The following MINAR1 variants were observed in gnomAD, a reference collection of about 807,000 sequenced individuals.
The protein encoded by MINAR1 is major intrinsically disordered Notch2-binding receptor 1.
A neutral mutation model predicts 65.1 loss-of-function variants in MINAR1; 40 were observed. That is an observed-to-expected ratio of 0.61 (90% CI 0.48 to 0.80). MINAR1 has a LOEUF of 0.80. Among genes scored for constraint, MINAR1 ranks in the 30% least tolerant of loss-of-function variants. MINAR1 has a pLI of 0.00. For synonymous variants in MINAR1, 482 were observed against 449.1 expected, an observed-to-expected ratio of 1.07 and a Z score of -0.93; for missense variants, 1,128 against 1,148.0, an observed-to-expected ratio of 0.98 and a Z score of 0.25.
Position 79,463,147 on chromosome 15 carries a change from C to T in MINAR1, c.2379C>T (p.Phe793=), listed in dbSNP as rs1447193093. The change falls in exon 3 of 4, where the codon TTC becomes TTT. Residue 793 remains phenylalanine (F), a synonymous_variant. Transcript: ENST00000305428. ...ATGGCTTCCTGGTGGAGCAGGTGTT[C>T]AGCCCTCACCCCTACCCTGCCTCCC... ...PKDGFLVEQV[F]SPHPYPASLK... The T allele has an allele frequency of 3.7e-6, 6 of 1,614,208 alleles. No individual in the cohort carries two copies. The highest frequency in any genetic ancestry group is 4.2e-6 in the Non-Finnish European group (5 of 1,180,042).
chr15:79,468,337 A>C lies in MINAR1; in HGVS notation c.2704A>C (p.Thr902Pro). Residue 902 changes from threonine (T) to proline (P), a missense_variant, in exon 4 of 4, where the codon ACC becomes CCC. By Grantham distance (38) the Thr-to-Pro change is conservative (BLOSUM62 -1). Coordinates refer to ENST00000305428, the MANE Select transcript of MINAR1 (RefSeq NM_015206.3). ...TGCTCTGATCGCTGCTGCGGCATGC[A>C]CCGTCATCCTCGTTATTGTCGTGCC... ...IAALIAAAAC[T>P]VILVIVVPIC... 1 of 1,614,158 alleles carries C rather than the reference A, an allele frequency of 6.2e-7. No homozygotes were observed. Among genetic ancestry groups the C allele is most frequent in the Non-Finnish European group, 8.5e-7 (1 of 1,180,024 alleles).
chr15:79,446,013 TATTA>T (rs1288790479), intron 1 of MINAR1, among the ~76,000 whole-genome samples: 2 of 152,246 alleles, frequency 1.3e-5, no homozygotes, highest in Non-Finnish European at 2.9e-5. Flanking sequence ...TTATTTGTGA[TATTA>T]ATTAGTTATA....
chr15:79,435,532 G>GC (rs1235573215), intron 1 of MINAR1, among the ~76,000 whole-genome samples: 1 of 152,238 alleles, frequency 6.6e-6, no homozygotes. Context: ...TGGATGGCTA[G>GC]CTAAACCCCT....
At chr15:79,423,357 A>G in the MINAR1 span, 1 of 152,238 alleles carries the variant, frequency 6.6e-6, no homozygotes, top group African/African-American at 2.4e-5. Context: ...TCCTTAGTCT[A>G]TCTCTGGAGG....
chr15:79,453,977 A>C (rs1297622182), intron 1 of MINAR1, among the ~76,000 whole-genome samples: 3 of 152,158 alleles, frequency 2.0e-5, no homozygotes, highest in African/African-American at 7.2e-5. Context: ...AAACGATAAA[A>C]TATATGCATG....
rs1178748449 is a variant in MINAR1 at position 79,469,801 on chromosome 15, T to C, written c.*1417T>C. ...TGACAGAAACTAGCTACCTTATATA[T>C]ATTTTTTGATAATAAGGTGGGATAT... On this transcript the variant is annotated 3_prime_UTR_variant, in exon 4 of 4. Coordinates refer to ENST00000305428, the MANE Select transcript of MINAR1 (RefSeq NM_015206.3). 1 of 152,638 alleles carries C rather than the reference T, an allele frequency of 6.6e-6. No homozygotes were observed. Among genetic ancestry groups the C allele is most frequent in the African/African-American group, 2.4e-5 (1 of 41,460 alleles). The allele number at this position is 152,638 out of a possible 1,614,324, so 9.5% of individuals were successfully genotyped here.
intron 2 of MINAR1, among the ~76,000 whole-genome samples, chr15:79,460,508 G>A (rs558198169): frequency 3.3e-5 from 5 of 152,244 alleles, no homozygotes; most frequent in African/African-American, 4.8e-5. Context: ...AGACCCTATG[G>A]ATTTGCCTTC....
intron 1 of MINAR1, among the ~76,000 whole-genome samples, chr15:79,435,192 C>T (rs1894561706): frequency 6.6e-6 from 1 of 151,858 alleles, no homozygotes; most frequent in Non-Finnish European, 1.5e-5. Context: ...AGGAGAATCG[C>T]TTGAACCTGG....
At chr15:79,435,373 C>A (rs1172513465) in intron 1 of MINAR1, among the ~76,000 whole-genome samples, 2 of 152,142 alleles carry the variant, frequency 1.3e-5, no homozygotes, top group African/African-American at 4.8e-5. Context: ...CCCTTTGGAA[C>A]CCCTACAGGC....
chr15:79,465,493 TC>T (rs1895807001), intron 3 of MINAR1, among the ~76,000 whole-genome samples: 2 of 152,172 alleles, frequency 1.3e-5, no homozygotes, highest in South Asian at 4.1e-4. Flanking sequence ...TTACCTCTTT[TC>T]TACTTGGTGC....
At position 79,468,156 on chromosome 15, in the gene MINAR1, T is replaced by C. The variant is rs760231468; in HGVS notation, c.2554-31T>C. ...CTTTGACCTGATTTCAAGTATTCAC[T>C]GTATTTCTAACATCTTCTCTTCGCT... On this transcript the variant is annotated intron_variant, in intron 3 of 3. Transcript: ENST00000305428. 8 of 1,575,766 alleles carry C rather than the reference T, an allele frequency of 5.1e-6. 1 individual carries two copies. The Middle Eastern group carries it at 5.0e-4, about 99-fold the overall frequency.
At chr15:79,431,944 C>T (rs1487726926), upstream of MINAR1, among the ~76,000 whole-genome samples, 8 of 152,332 alleles carry the variant, frequency 5.3e-5, no homozygotes, top group South Asian at 8.3e-4. Context: ...TGGCGCGACG[C>T]CGCGCCCCTC....
At chr15:79,465,065 G>A (rs1462748490) in intron 3 of MINAR1, among the ~76,000 whole-genome samples, 1 of 152,142 alleles carries the variant, frequency 6.6e-6, no homozygotes, top group African/African-American at 2.4e-5. Context: ...GTGTTTATAA[G>A]CATAAAGATA....
In MINAR1 at chr15:79,471,341, T is replaced by A. The variant is rs951474230; in HGVS notation, c.*2957T>A. On this transcript the variant is annotated 3_prime_UTR_variant, in exon 4 of 4. Transcript: ENST00000305428. ...TAAATATCCTTAACCAATGATTAAA[T>A]TCATAATCATTTCATCTTCTTTCAT... 1 of 152,656 alleles carries A rather than the reference T, an allele frequency of 6.6e-6. No individual in the cohort carries two copies. The highest frequency in any genetic ancestry group is 1.5e-5 in the Non-Finnish European group (1 of 68,046). 9.5% of individuals were successfully genotyped at this position (152,656 alleles called of 1,614,324 possible).
chr15:79,444,771 T>TAAA (rs34673288), intron 1 of MINAR1, among the ~76,000 whole-genome samples: 30 of 148,360 alleles, frequency 2.0e-4, no homozygotes, highest in African/African-American at 6.4e-4. Context: ...TACCTTATTG[T>TAAA]AAAAAAAAAA....
the MINAR1 span, chr15:79,425,071 ACT>A: frequency 1.3e-5 from 2 of 150,722 alleles, no homozygotes. Flanking sequence ...ACAGAGTCTC[ACT>A]CTATCGTCCA....
In MINAR1 at chr15:79,463,943, G is replaced by C. The variant is rs140906597; in HGVS notation, c.2553+622G>C. ...ACCACAGGAGCAAAGGAAGCACCCTGTCCCCCTACCTGTGCACTTAGCTTT... is the reference window on the plus strand; with the variant it reads ...ACCACAGGAGCAAAGGAAGCACCCTCTCCCCCTACCTGTGCACTTAGCTTT... On this transcript the variant is annotated intron_variant, in intron 3 of 3. Coordinates refer to ENST00000305428, the MANE Select transcript of MINAR1 (RefSeq NM_015206.3). Among the ~76,000 whole-genome samples, 376 of 152,328 alleles carry C rather than the reference G, an allele frequency of 2.5e-3. 2 individuals carry two copies. Among genetic ancestry groups the C allele is most frequent in the Non-Finnish European group, 4.1e-3 (281 of 68,030 alleles).
intron 2 of MINAR1, 144 bp from the exon 3 acceptor site, chr15:79,462,923 A>T: frequency 1.3e-6 from 1 of 793,008 alleles, no homozygotes; most frequent in East Asian, 2.7e-5. Context: ...CAATATGGTT[A>T]TGCTTTCATA....
At chr15:79,430,399 C>T (rs1420509739), upstream of MINAR1, among the ~76,000 whole-genome samples, 3 of 152,116 alleles carry the variant, frequency 2.0e-5, no homozygotes, top group Admixed American at 6.5e-5. Context: ...ACGCAGCTTC[C>T]TGTCCTAATT....
Sources: gnomAD v4.1 joint callset for allele counts (sites outside exome capture counted in the v4.1 genomes callset) on GRCh38, gnomAD v4.1.1 for gene constraint, MANE v1.5 for transcripts, NCBI Gene and HGNC (gene_info 2026-07-23, HGNC 2026-07-21) for gene names.